IER3IP1: variants seen among roughly 807,000 people sequenced by gnomAD.
The protein encoded by IER3IP1 is immediate early response 3 interacting protein 1.
A neutral mutation model predicts 12.2 loss-of-function variants in IER3IP1; 16 were observed. The ratio of observed to expected loss-of-function variants is 1.31; its 90% CI spans 0.89 to 1.99. The LOEUF is 1.99. Ranked by LOEUF, IER3IP1 falls within the 30% of genes most tolerant of loss-of-function variation. The pLI, the probability that IER3IP1 is intolerant of heterozygous loss-of-function variation, is 0.00. For missense variants in IER3IP1, 95 were observed against 95.8 expected (o/e 0.99, Z 0.03); for synonymous variants, 42 against 40.0 (o/e 1.05, Z -0.19).
rs1169525020 is a variant in IER3IP1 at position 47,172,502 on chromosome 18, A to G, written c.91+3685T>C. ...GAGATACACTTCAAGATTCCACAGT[A>G]GATGCCTGAAACAGAAGATAGTACC... On this transcript the variant is annotated intron_variant, in intron 1 of 2. Transcript: ENST00000256433. The surrounding 1 kb of genome is among the most constrained non-coding windows in gnomAD (Gnocchi z 4.0). Among the ~76,000 whole-genome samples, 1 of 152,166 alleles carries G rather than the reference A, an allele frequency of 6.6e-6. No homozygotes were observed. The highest frequency in any genetic ancestry group is 1.5e-5 in the Non-Finnish European group (1 of 68,032).
At position 47,176,317 on chromosome 18, in the gene IER3IP1, C is replaced by A. The variant is rs537535621; in HGVS notation, c.-40G>T. The A allele has an allele frequency of 1.3e-6, 2 of 1,540,576 alleles. No homozygotes were observed. The highest frequency in any genetic ancestry group is 4.7e-5 in the East Asian group (2 of 42,494). ...GCCCCGAAGTCCAAGCGATTTCTCT[C>A]CCGCCGCCGCAAGGGACGTGGCGCC... On this transcript the variant is annotated 5_prime_UTR_variant, in exon 1 of 3. Transcript: ENST00000256433.
intron 1 of IER3IP1, among the ~76,000 whole-genome samples, chr18:47,168,559 G>A (rs1375856435): frequency 6.6e-6 from 1 of 152,198 alleles, no homozygotes; most frequent in Admixed American, 6.5e-5. Context: ...TGCTCAAATT[G>A]TGTCACAGTC....
intron 1 of IER3IP1, among the ~76,000 whole-genome samples, chr18:47,174,989 C>T (rs998283996): frequency 2.0e-5 from 3 of 152,196 alleles, no homozygotes; most frequent in African/African-American, 7.2e-5. Flanking sequence ...ACATAATACT[C>T]TCTATACTTG....
chr18:47,176,070 G>C, intron 1 of IER3IP1, 117 bp downstream of exon 1: 6 of 860,820 alleles, frequency 7.0e-6, no homozygotes, highest in Non-Finnish European at 9.4e-6. Context: ...ACTCCAAGCC[G>C]AGCCTTCCGC....
At chr18:47,163,398 GA>G (rs1212321927) in intron 1 of IER3IP1, among the ~76,000 whole-genome samples, 1 of 152,178 alleles carries the variant, frequency 6.6e-6, no homozygotes, top group African/African-American at 2.4e-5. Context: ...AGGTGGAATG[GA>G]ATAGGACGGT....
chr18:47,169,807 T>C (rs973451853), intron 1 of IER3IP1, among the ~76,000 whole-genome samples: 10 of 152,118 alleles, frequency 6.6e-5, no homozygotes, highest in Non-Finnish European at 1.3e-4. Context: ...TATTTATCTT[T>C]TATTATTTAG....
At chr18:47,168,096 A>C (rs2064001973) in intron 1 of IER3IP1, among the ~76,000 whole-genome samples, 1 of 132,232 alleles carries the variant, frequency 7.6e-6, no homozygotes, top group Admixed American at 8.8e-5. Flanking sequence ...ACTGCACTCC[A>C]GCCTGGGTGA....
intron 1 of IER3IP1, among the ~76,000 whole-genome samples, chr18:47,173,229 C>T (rs1474195810): frequency 6.6e-6 from 1 of 152,198 alleles, no homozygotes; most frequent in Non-Finnish European, 1.5e-5. Flanking sequence ...TCCTCCAATA[C>T]TGTTTAACTC....
At position 47,157,285 on chromosome 18, in the gene IER3IP1, A is replaced by C. The variant is rs186622587; in HGVS notation, c.193+151T>G. 366 of 656,704 alleles carry C rather than the reference A, an allele frequency of 5.6e-4. 2 individuals carry two copies. In the African/African-American group the frequency reaches 6.3e-3, roughly 11 times the overall value. 40.7% of individuals were successfully genotyped at this position (656,704 alleles called of 1,614,324 possible). A position where few individuals can be genotyped will look rare whatever the true frequency, so the allele number is the denominator to read the frequency against. ...AGAAGCAAACTAAGAAAAAAAAAAAAAAAACCCAGTAACTTTCAAGCAGCA... is the reference window on the plus strand; with the variant it reads ...AGAAGCAAACTAAGAAAAAAAAAAACAAAACCCAGTAACTTTCAAGCAGCA... On this transcript the variant is annotated intron_variant, in intron 2 of 2. Coordinates refer to ENST00000256433, the MANE Select transcript of IER3IP1 (RefSeq NM_016097.5).
rs1440284442 is a variant in IER3IP1, at chr18:47,155,403, C to G, written c.*774G>C. The G allele has an allele frequency of 6.6e-6, 1 of 152,106 alleles. No individual in the cohort carries two copies. The allele number at this position is 152,106 out of a possible 1,614,324, so 9.4% of individuals were successfully genotyped here. On this transcript the variant is annotated 3_prime_UTR_variant, in exon 3 of 3. Coordinates refer to ENST00000256433, the MANE Select transcript of IER3IP1 (RefSeq NM_016097.5). The stretch of plus-strand genomic sequence containing the variant: ...ACAGTGTAATTGTGATTGTTTAGGA[C>G]TGCTCTTGTGGGCTAATATTTACGC...
rs900694198 is a variant in IER3IP1, at chr18:47,162,682, G to GA, written c.92-5146dup. Among the ~76,000 whole-genome samples the GA allele has an allele frequency of 5.7e-4, 85 of 148,920 alleles. 1 individual carries two copies. The South Asian group carries it at 6.6e-3, about 12-fold the overall frequency. ...CAAAATAATCAGTTCCAAAAAGAAAGAAAAAAAAAGAGGCAATTATTGAAG... is the reference window on the plus strand; with the variant it reads ...CAAAATAATCAGTTCCAAAAAGAAAGAAAAAAAAAAGAGGCAATTATTGAAG... On this transcript the variant is annotated intron_variant, in intron 1 of 2. Transcript: ENST00000256433.
intron 1 of IER3IP1, among the ~76,000 whole-genome samples, chr18:47,165,773 CTG>C (rs1042542283): frequency 6.6e-6 from 1 of 152,230 alleles, no homozygotes; most frequent in African/African-American, 2.4e-5. Context: ...GGTATGTTAA[CTG>C]TTTGCTATGG....
At chr18:47,163,878 A>G (rs1196345641) in intron 1 of IER3IP1, among the ~76,000 whole-genome samples, 1 of 152,214 alleles carries the variant, frequency 6.6e-6, no homozygotes, top group Non-Finnish European at 1.5e-5. Context: ...TTATGTTTTA[A>G]AACCACCTTT....
intron 1 of IER3IP1, among the ~76,000 whole-genome samples, chr18:47,174,640 G>C (rs12963005): frequency 6.6e-6 from 1 of 151,610 alleles, no homozygotes; most frequent in Admixed American, 6.6e-5. Context: ...CTGCACTCCA[G>C]CCGGGGGGAC....
chr18:47,176,117 G>A lies in IER3IP1; in HGVS notation c.91+70C>T, dbSNP rs906629375. Reference sequence around the variant, plus strand: ...CCCGGCCCTTGGTGTCCCCTCACGCGGCCCCATTAGGTTACGCGCCCCCGG... The same window carrying A: ...CCCGGCCCTTGGTGTCCCCTCACGCAGCCCCATTAGGTTACGCGCCCCCGG... On this transcript the variant is annotated intron_variant, in intron 1 of 2. Coordinates refer to ENST00000256433, the MANE Select transcript of IER3IP1 (RefSeq NM_016097.5). 4 of 1,255,552 alleles carry A rather than the reference G, an allele frequency of 3.2e-6. No homozygotes were observed. The African/African-American group carries it at 5.9e-5, about 19-fold the overall frequency. The allele number at this position is 1,255,552 out of a possible 1,614,324, so 77.8% of individuals were successfully genotyped here.
At chr18:47,163,174 C>G (rs567822510) in intron 1 of IER3IP1, among the ~76,000 whole-genome samples, 1 of 152,234 alleles carries the variant, frequency 6.6e-6, no homozygotes, top group East Asian at 1.9e-4. Flanking sequence ...ATAACAGTAA[C>G]TCATAATAAA....
chr18:47,164,122 A>G (rs2063988355), intron 1 of IER3IP1, among the ~76,000 whole-genome samples: 1 of 151,602 alleles, frequency 6.6e-6, no homozygotes, highest in Non-Finnish European at 1.5e-5. Flanking sequence ...ATGTGAGATG[A>G]GTGACTCCCA....
At chr18:47,168,535 T>C (rs1341701278) in intron 1 of IER3IP1, among the ~76,000 whole-genome samples, 2 of 152,192 alleles carry the variant, frequency 1.3e-5, no homozygotes, top group African/African-American at 4.8e-5. Context: ...ATATATTCTT[T>C]TGTGCCTGTC....
At chr18:47,156,590 G>A (rs2063959960) in intron 2 of IER3IP1, among the ~76,000 whole-genome samples, 1 of 152,102 alleles carries the variant, frequency 6.6e-6, no homozygotes, top group African/African-American at 2.4e-5. Flanking sequence ...GTGCATAGAA[G>A]ATTCTGTAGT....
Sources: gnomAD v4.1 joint callset for allele counts (sites outside exome capture counted in the v4.1 genomes callset) on GRCh38, gnomAD v4.1.1 for gene constraint, Gnocchi (gnomAD v3.1) non-coding constraint, MANE v1.5 for transcripts, NCBI Gene and HGNC (gene_info 2026-07-23, HGNC 2026-07-21) for gene names.